The following PLCB1 variants were observed in gnomAD, a reference collection of about 807,000 sequenced individuals.
PLCB1 encodes phospholipase C beta 1.
In PLCB1, 46 loss-of-function variants were observed where a neutral mutation model predicts 161.8. That is an observed-to-expected ratio of 0.28 (90% confidence interval 0.22 to 0.36). PLCB1 has a LOEUF of 0.36. Ranked by LOEUF, PLCB1 falls within the 10% of genes least tolerant of loss-of-function variation. The probability of loss-of-function intolerance (pLI) is 1.00; values close to 1 mark genes in which losing one functional copy is unlikely to be tolerated. For synonymous variants in PLCB1, 517 were observed against 503.7 expected (o/e 1.03, Z -0.35); for missense variants, 1,016 against 1,472.5 (o/e 0.69, Z 5.07).
rs149559013 is a variant in PLCB1 at position 8,648,181 on chromosome 20, G to A, written c.518+228G>A. On this transcript the variant is annotated intron_variant, in intron 6 of 31. Transcript: ENST00000338037. ...TTATTTTCAAGAAATACCAAAGCAG[G>A]AAGTGGGTGGAGGAAGTGGAGGGAC... 2.6e-3 allele frequency among the ~76,000 whole-genome samples: 398 copies of A among 152,286 alleles called. 1 individual carries two copies. Among genetic ancestry groups the A allele is most frequent in the African/African-American group, 8.0e-3 (334 of 41,576 alleles).
At chr20:8,785,258 T>C (rs915813268) in intron 27 of PLCB1, among the ~76,000 whole-genome samples, 2 of 152,184 alleles carry the variant, frequency 1.3e-5, no homozygotes, top group African/African-American at 4.8e-5. Context: ...TTTCAAACTC[T>C]AATGTGCACT....
intron 2 of PLCB1, among the ~76,000 whole-genome samples, chr20:8,320,996 A>C (rs1984894645): frequency 6.6e-6 from 1 of 151,490 alleles, no homozygotes; most frequent in Non-Finnish European, 1.5e-5. Flanking sequence ...GAAAGAAGAA[A>C]GGGAAGTAAA....
rs570383555 is a variant in PLCB1, at chr20:8,289,393, C to T, written c.178-81989C>T. 7.2e-5 allele frequency among the ~76,000 whole-genome samples: 11 copies of T among 152,182 alleles called. No individual in the cohort carries two copies. In the East Asian group the frequency reaches 2.1e-3, roughly 29 times the overall value. ...GGAACTGCATTTCCACTGAGACTCC[C>T]GGGAAAGCTGATGCTGCTGGTCTCC... is the stretch of plus-strand genomic sequence containing the variant. On this transcript the variant is annotated intron_variant, in intron 2 of 31. Transcript: ENST00000338037.
chr20:8,685,114 T>C, intron 10 of PLCB1, 36 bp downstream of exon 10: 1 of 1,595,478 alleles, frequency 6.3e-7, no homozygotes, highest in Non-Finnish European at 8.6e-7. Flanking sequence ...CTTTAGCCAG[T>C]CTCACCAAAT....
At chr20:8,732,624 G>GAATTAGAAATTAGA (rs11472797) in intron 18 of PLCB1, among the ~76,000 whole-genome samples, 3 of 142,568 alleles carry the variant, frequency 2.1e-5, no homozygotes, top group Non-Finnish European at 3.0e-5. Flanking sequence ...TTAGATATTA[G>GAATTAGAAATTAGA]AATTAGAAAT....
chr20:8,366,962 G>C (rs1269792359), intron 2 of PLCB1, among the ~76,000 whole-genome samples: 1 of 152,152 alleles, frequency 6.6e-6, no homozygotes, highest in African/African-American at 2.4e-5. Context: ...ATAATGCAAA[G>C]GTTCTATGGG....
chr20:8,866,596 A>G (rs1987436811), intron 31 of PLCB1, among the ~76,000 whole-genome samples: 1 of 152,228 alleles, frequency 6.6e-6, no homozygotes, highest in Admixed American at 6.5e-5. Context: ...CAAAAGAATA[A>G]TCTAGTTAGT....
At chr20:8,633,101 TACACACACACACACACAC>T (rs58802999) in intron 4 of PLCB1, among the ~76,000 whole-genome samples, 33 of 142,348 alleles carry the variant, frequency 2.3e-4, no homozygotes, top group East Asian at 1.7e-3. Flanking sequence ...TGCATGTATG[TACACACACACACACACAC>T]ACACACACAC....
intron 3 of PLCB1, among the ~76,000 whole-genome samples, chr20:8,456,199 A>G (rs1981309119): frequency 6.6e-6 from 1 of 152,218 alleles, no homozygotes; most frequent in Non-Finnish European, 1.5e-5. Context: ...TTAGCATACA[A>G]CGACTAAGAA....
chr20:8,845,320 GTATAAT>G (rs1171798057), intron 31 of PLCB1, among the ~76,000 whole-genome samples: 2 of 151,914 alleles, frequency 1.3e-5, no homozygotes, highest in Non-Finnish European at 2.9e-5. Context: ...TAGTTTGAAG[GTATAAT>G]TATTGGGTGT....
At chr20:8,582,988 CAAAA>C (rs57511588) in intron 3 of PLCB1, among the ~76,000 whole-genome samples, 1 of 125,194 alleles carries the variant, frequency 8.0e-6, no homozygotes. Context: ...GACTCCATCT[CAAAA>C]AAAAAAAAAA....
chr20:8,505,077 G>A (rs1264166310), intron 3 of PLCB1, among the ~76,000 whole-genome samples: 2 of 152,090 alleles, frequency 1.3e-5, no homozygotes, highest in African/African-American at 2.4e-5. Flanking sequence ...GTCCAGGATG[G>A]TCTCAAACTC....
intron 31 of PLCB1, among the ~76,000 whole-genome samples, chr20:8,825,231 C>A (rs374257425): frequency 7.2e-5 from 11 of 152,306 alleles, no homozygotes; most frequent in African/African-American, 2.2e-4. Flanking sequence ...AAATGATCTC[C>A]TGAACTAATT....
intron 2 of PLCB1, among the ~76,000 whole-genome samples, chr20:8,284,393 C>T (rs1007584405): frequency 1.1e-4 from 16 of 151,992 alleles, no homozygotes; most frequent in African/African-American, 3.9e-4. Flanking sequence ...CTTTTCCTAC[C>T]TTCTGGTATG....
At chr20:8,245,144 C>CA (rs1980817454) in intron 2 of PLCB1, among the ~76,000 whole-genome samples, 2 of 151,914 alleles carry the variant, frequency 1.3e-5, no homozygotes, top group African/African-American at 4.8e-5. Context: ...GAGCCTTATG[C>CA]ATGCTTGTGG....
intron 2 of PLCB1, among the ~76,000 whole-genome samples, chr20:8,316,024 A>G (rs758736040): frequency 5.9e-5 from 9 of 152,184 alleles, no homozygotes; most frequent in Non-Finnish European, 1.0e-4. Context: ...TTCTTTGCCT[A>G]CTTCCAGTTA....
chr20:8,446,300 A>G (rs1035770260), intron 3 of PLCB1, among the ~76,000 whole-genome samples: 13 of 152,220 alleles, frequency 8.5e-5, no homozygotes, highest in African/African-American at 3.1e-4. Flanking sequence ...AGAACCAAAG[A>G]CAAAAACCAC....
At chr20:8,134,703 G>T (rs1568564911) in intron 1 of PLCB1, among the ~76,000 whole-genome samples, 1 of 152,080 alleles carries the variant, frequency 6.6e-6, no homozygotes, top group Non-Finnish European at 1.5e-5. Flanking sequence ...GAGAGATTGG[G>T]TGATGCATTG....
intron 2 of PLCB1, among the ~76,000 whole-genome samples, chr20:8,315,887 C>T (rs530545564): frequency 3.3e-5 from 5 of 152,298 alleles, no homozygotes; most frequent in Admixed American, 2.0e-4. Context: ...AACCGTTGAC[C>T]ACTCATGGAT....
Sources: gnomAD v4.1 joint callset for allele counts (sites outside exome capture counted in the v4.1 genomes callset) on GRCh38, gnomAD v4.1.1 for gene constraint, MANE v1.5 for transcripts, NCBI Gene and HGNC (gene_info 2026-07-23, HGNC 2026-07-21) for gene names.